TOX: variants seen among roughly 807,000 people sequenced by gnomAD.
The protein encoded by TOX is thymocyte selection associated high mobility group box.
Under a neutral mutation model 53.7 loss-of-function variants are expected in TOX, and 11 were observed. The observed-to-expected ratio is 0.20, with a 90% CI of 0.13 to 0.34. The LOEUF (loss-of-function observed/expected upper bound fraction) is 0.34. Among genes scored for constraint, TOX ranks in the 10% least tolerant of loss-of-function variants. The pLI, the probability that TOX is intolerant of heterozygous loss-of-function variation, is 1.00. For synonymous variants in TOX, 225 were observed against 245.3 expected (o/e 0.92, Z 0.77); for missense variants, 570 against 664.6 (o/e 0.86, Z 1.56).
At chr8:58,929,181 A>AT (rs1812217584) in intron 3 of TOX, among the ~76,000 whole-genome samples, 1 of 152,156 alleles carries the variant, frequency 6.6e-6, no homozygotes, top group South Asian at 2.1e-4. Flanking sequence ...CATTTTTGTG[A>AT]TTATATATTT....
intron 6 of TOX, among the ~76,000 whole-genome samples, chr8:58,818,188 T>C (rs920941686): frequency 5.9e-5 from 9 of 152,170 alleles, no homozygotes; most frequent in African/African-American, 2.2e-4. Flanking sequence ...GTCATTTATG[T>C]CCTCCATATC....
chr8:58,936,484 T>C (rs1339809597), intron 3 of TOX, among the ~76,000 whole-genome samples: 1 of 152,198 alleles, frequency 6.6e-6, no homozygotes, highest in Non-Finnish European at 1.5e-5. Flanking sequence ...CTAGGTCTTA[T>C]CAATCATTTG....
intron 1 of TOX, among the ~76,000 whole-genome samples, chr8:58,990,230 G>C (rs554679179): frequency 6.6e-6 from 1 of 152,226 alleles, no homozygotes; most frequent in African/African-American, 2.4e-5. Flanking sequence ...AGCAAGGTAA[G>C]GAGCTGGGAT....
intron 7 of TOX, among the ~76,000 whole-genome samples, chr8:58,812,959 C>T (rs962759831): frequency 1.3e-5 from 2 of 152,192 alleles, no homozygotes; most frequent in Non-Finnish European, 2.9e-5. Context: ...ATGATCAAGG[C>T]ATTGTTAAAA....
At chr8:59,102,366 T>C (rs1804821953) in intron 1 of TOX, among the ~76,000 whole-genome samples, 1 of 152,122 alleles carries the variant, frequency 6.6e-6, no homozygotes, top group Admixed American at 6.6e-5. Flanking sequence ...TAGCTGGGAT[T>C]ACAGGCACAT....
At chr8:58,896,694 TAAA>T (rs1811653582) in intron 3 of TOX, among the ~76,000 whole-genome samples, 1 of 151,434 alleles carries the variant, frequency 6.6e-6, no homozygotes, top group Non-Finnish European at 1.5e-5. Context: ...TAAAATAAAA[TAAA>T]ATAAAATAAA....
intron 1 of TOX, among the ~76,000 whole-genome samples, chr8:59,057,061 T>G (rs1340804306): frequency 6.6e-6 from 1 of 152,178 alleles, no homozygotes; most frequent in Non-Finnish European, 1.5e-5. Context: ...CAGTGCTGTC[T>G]CCCAAGCTCA....
At position 58,810,883 on chromosome 8, in the gene TOX, A is replaced by G. The variant is rs375243586; in HGVS notation, c.1393-2614T>C. ...AACCGCCATTTTTTCCCCCCATCCA[A>G]TGAAAATAGTTCTCAGGTTGTAAGA... On this transcript the variant is annotated intron_variant, in intron 7 of 8. Transcript: ENST00000361421. Among the ~76,000 whole-genome samples, 97 of 152,134 alleles carry G rather than the reference A, an allele frequency of 6.4e-4. 1 individual carries two copies. In the South Asian group the frequency reaches 0.018, roughly 28 times the overall value.
intron 3 of TOX, among the ~76,000 whole-genome samples, chr8:58,905,953 T>C (rs1445223464): frequency 6.6e-6 from 1 of 152,216 alleles, no homozygotes; most frequent in Non-Finnish European, 1.5e-5. Flanking sequence ...GAGACCACTT[T>C]CCTTTTAATT....
intron 1 of TOX, among the ~76,000 whole-genome samples, chr8:59,016,421 T>C (rs1814010619): frequency 6.6e-6 from 1 of 152,184 alleles, no homozygotes; most frequent in Non-Finnish European, 1.5e-5. Flanking sequence ...CAAACACAAT[T>C]AGTATACATT....
At chr8:58,954,636 A>G (rs1812681364) in intron 2 of TOX, among the ~76,000 whole-genome samples, 1 of 152,212 alleles carries the variant, frequency 6.6e-6, no homozygotes. Flanking sequence ...AAATGAGAGA[A>G]GGTAAGATGA....
intron 1 of TOX, among the ~76,000 whole-genome samples, chr8:59,018,478 G>C (rs1814056288): frequency 6.6e-6 from 1 of 152,202 alleles, no homozygotes; most frequent in Admixed American, 6.5e-5. Context: ...AGTATGGATA[G>C]TATGTCACGC....
intron 1 of TOX, among the ~76,000 whole-genome samples, chr8:59,062,939 T>C (rs1273346963): frequency 1.3e-5 from 2 of 152,208 alleles, no homozygotes; most frequent in African/African-American, 4.8e-5. Context: ...ATTTAATACC[T>C]TTAACAAGGA....
intron 1 of TOX, among the ~76,000 whole-genome samples, chr8:59,084,533 T>A (rs989964596): frequency 6.6e-6 from 1 of 152,196 alleles, no homozygotes; most frequent in African/African-American, 2.4e-5. Context: ...ATCTTTTACT[T>A]CTCATTAGCA....
chr8:58,810,140 T>C (rs1240124448), intron 7 of TOX, among the ~76,000 whole-genome samples: 1 of 151,998 alleles, frequency 6.6e-6, no homozygotes, highest in East Asian at 1.9e-4. Flanking sequence ...TGTGTGCCAC[T>C]ATGCCTGGCT....
At chr8:58,893,215 C>CT (rs997859459) in intron 3 of TOX, among the ~76,000 whole-genome samples, 2 of 151,902 alleles carry the variant, frequency 1.3e-5, no homozygotes, top group African/African-American at 4.8e-5. Flanking sequence ...TAATCTCCCC[C>CT]CCACAAAACA....
chr8:59,107,248 T>G, intron 1 of TOX, among the ~76,000 whole-genome samples: 1 of 152,198 alleles, frequency 6.6e-6, no homozygotes, highest in East Asian at 1.9e-4. Flanking sequence ...TTTCAATTTA[T>G]GAAGCTCTGT....
At chr8:59,043,970 A>G (rs953587094) in intron 1 of TOX, among the ~76,000 whole-genome samples, 2 of 152,332 alleles carry the variant, frequency 1.3e-5, no homozygotes, top group African/African-American at 2.4e-5. Context: ...CCCCTAAACC[A>G]TAAGTCTTGC....
chr8:59,076,318 G>A (rs970467885), intron 1 of TOX, among the ~76,000 whole-genome samples: 9 of 152,176 alleles, frequency 5.9e-5, no homozygotes, highest in Admixed American at 5.9e-4. Context: ...AAACTACCCA[G>A]AGATACAAGG....
Sources: gnomAD v4.1 joint callset for allele counts (sites outside exome capture counted in the v4.1 genomes callset) on GRCh38, gnomAD v4.1.1 for gene constraint, MANE v1.5 for transcripts, NCBI Gene and HGNC (gene_info 2026-07-23, HGNC 2026-07-21) for gene names.